Variants in FAM167A observed in about 807,000 individuals in gnomAD.
FAM167A encodes the protein family with sequence similarity 167 member A, also known as protein FAM167A.
In FAM167A, 23 loss-of-function variants were observed where a neutral mutation model predicts 14.9. The ratio of observed to expected loss-of-function variants is 1.55; its 90% CI spans 1.11 to 2.19. The LOEUF (loss-of-function observed/expected upper bound fraction) is 2.19, where lower values mean the gene tolerates loss of function less well. FAM167A is among the 30% of genes most tolerant of loss of function. FAM167A has a pLI of 0.00. For synonymous variants in FAM167A, 174 were observed against 117.7 expected (o/e 1.48, Z -3.10); for missense variants, 401 against 281.5 (o/e 1.42, Z -3.04).
chr8:11,451,334 C>T (rs1807019221), intron 1 of FAM167A, among the ~76,000 whole-genome samples: 1 of 152,246 alleles, frequency 6.6e-6, no homozygotes, highest in African/African-American at 2.4e-5. Flanking sequence ...CGTGGGAAGC[C>T]ACCCGCCCTG....
In FAM167A at chr8:11,423,158, C is replaced by G. The variant is rs774508380; in HGVS notation, c.*1215G>C. 1 of 152,296 alleles carries G rather than the reference C, an allele frequency of 6.6e-6. No individual in the cohort carries two copies. The highest frequency in any genetic ancestry group is 6.5e-5 in the Admixed American group (1 of 15,282). The allele number at this position is 152,296 out of a possible 1,614,324, so 9.4% of individuals were successfully genotyped here. A position where few individuals can be genotyped will look rare whatever the true frequency, so the allele number is the denominator to read the frequency against. On this transcript the variant is annotated 3_prime_UTR_variant, in exon 3 of 3. Transcript: ENST00000284486. Reference sequence around the variant, plus strand: ...GACTCGACTAGATGACACCAAAGGTCAGAAACACTCCTTATCTCAGGATTC... The same window carrying G: ...GACTCGACTAGATGACACCAAAGGTGAGAAACACTCCTTATCTCAGGATTC...
rs373612696 is a variant in FAM167A at position 11,424,341 on chromosome 8, G to C, written c.*32C>G. The stretch of plus-strand genomic sequence containing the variant: ...GACACCCCTCCAGCCCAAGCCCTCC[G>C]CTCCAGCCCCTCCGCCCAGTCTGAG... On this transcript the variant is annotated 3_prime_UTR_variant, in exon 3 of 3. Transcript: ENST00000284486. 1.9e-6 allele frequency: 3 copies of C among 1,610,518 alleles called. No individual in the cohort carries two copies. Among genetic ancestry groups the C allele is most frequent in the Non-Finnish European group, 2.5e-6 (3 of 1,177,342 alleles).
intron 2 of FAM167A, among the ~76,000 whole-genome samples, chr8:11,428,705 GC>G (rs1805357212): frequency 6.6e-6 from 1 of 152,180 alleles, no homozygotes; most frequent in Non-Finnish European, 1.5e-5. Context: ...TTCATCTCCT[GC>G]CCCAAAGAAC....
At chr8:11,472,289 T>A (rs1455538354), upstream of FAM167A, among the ~76,000 whole-genome samples, 1 of 152,206 alleles carries the variant, frequency 6.6e-6, no homozygotes, top group East Asian at 1.9e-4. Context: ...TGGAGTTTGC[T>A]GTTTTATCTT....
At chr8:11,443,094 T>A (rs1451839794) in intron 2 of FAM167A, among the ~76,000 whole-genome samples, 1 of 152,058 alleles carries the variant, frequency 6.6e-6, no homozygotes, top group East Asian at 1.9e-4. Flanking sequence ...GTGGCCAGAG[T>A]GGCCTGACTC....
chr8:11,465,503 T>C (rs1409120255), intron 1 of FAM167A, among the ~76,000 whole-genome samples: 1 of 152,182 alleles, frequency 6.6e-6, no homozygotes, highest in Non-Finnish European at 1.5e-5. Flanking sequence ...GGTCCATAAA[T>C]GCACTCAAGA....
chr8:11,421,872 C>G lies in FAM167A; in HGVS notation c.*2501G>C. 1 of 394,134 alleles carries G rather than the reference C, an allele frequency of 2.5e-6. No individual in the cohort carries two copies. 24.4% of individuals were successfully genotyped at this position (394,134 alleles called of 1,614,324 possible). A position where few individuals can be genotyped will look rare whatever the true frequency, so the allele number is the denominator to read the frequency against. ...GGTTAGGCCAATGTTGCTGCTGACT[C>G]ATAGACCCACAGAGAGCAGGGACTT... On this transcript the variant is annotated 3_prime_UTR_variant, in exon 3 of 3. Coordinates refer to ENST00000284486, the MANE Select transcript of FAM167A (RefSeq NM_053279.3).
chr8:11,431,660 G>A (rs1422116745), intron 2 of FAM167A, among the ~76,000 whole-genome samples: 1 of 152,110 alleles, frequency 6.6e-6, no homozygotes, highest in Non-Finnish European at 1.5e-5. Flanking sequence ...GACCTCCTTA[G>A]TCCTGGGCAA....
At chr8:11,462,668 C>T (rs956469187) in intron 1 of FAM167A, among the ~76,000 whole-genome samples, 1 of 152,212 alleles carries the variant, frequency 6.6e-6, no homozygotes, top group African/African-American at 2.4e-5. Flanking sequence ...GGATCCTAAA[C>T]TCCTTTGCAG....
At chr8:11,447,034 C>T (rs1413704604) in intron 1 of FAM167A, among the ~76,000 whole-genome samples, 1 of 151,520 alleles carries the variant, frequency 6.6e-6, no homozygotes, top group Non-Finnish European at 1.5e-5. Flanking sequence ...GGTGGCCCAC[C>T]CCCTCCCCCA....
chr8:11,429,850 G>T (rs997721124), intron 2 of FAM167A, among the ~76,000 whole-genome samples: 1 of 152,234 alleles, frequency 6.6e-6, no homozygotes, highest in Non-Finnish European at 1.5e-5. Context: ...ACAGAAAAGA[G>T]ATAAGGCCTC....
In FAM167A at chr8:11,422,373, G is replaced by GGGTGTGGGTGTGT. The variant is rs878997464; in HGVS notation, c.*1999_*2000insACACACCCACACC. 2 of 120,196 alleles carry GGGTGTGGGTGTGT rather than the reference G, an allele frequency of 1.7e-5. No individual in the cohort carries two copies. Among genetic ancestry groups the GGGTGTGGGTGTGT allele is most frequent in the Non-Finnish European group, 3.6e-5 (2 of 55,330 alleles). The allele number at this position is 120,196 out of a possible 1,614,324, so 7.4% of individuals were successfully genotyped here. A position where few individuals can be genotyped will look rare whatever the true frequency, so the allele number is the denominator to read the frequency against. ...TCTCTGTCGTGTGTGTGTGTGTGGGGGTGTGTGTGTGTGTGTGTGTGTGTG... is the reference window on the plus strand; with the variant it reads ...TCTCTGTCGTGTGTGTGTGTGTGGGGGGTGTGGGTGTGTGTGTGTGTGTGTGTGTGTGTGTGTG... On this transcript the variant is annotated 3_prime_UTR_variant, in exon 3 of 3. Coordinates refer to ENST00000284486, the MANE Select transcript of FAM167A (RefSeq NM_053279.3).
intron 1 of FAM167A, among the ~76,000 whole-genome samples, chr8:11,455,174 C>T (rs1807186240): frequency 1.0e-5 from 1 of 98,596 alleles, no homozygotes; most frequent in African/African-American, 3.8e-5. Context: ...GGGTTGTTGC[C>T]TTGCTGAGTG....
chr8:11,432,365 CA>C (rs1427956178), intron 2 of FAM167A, among the ~76,000 whole-genome samples: 1 of 152,186 alleles, frequency 6.6e-6, no homozygotes, highest in Non-Finnish European at 1.5e-5. Flanking sequence ...AGAACTTAAA[CA>C]AATTTACAAG....
chr8:11,428,074 G>C (rs1413861200), intron 2 of FAM167A, among the ~76,000 whole-genome samples: 2 of 152,056 alleles, frequency 1.3e-5, no homozygotes. Flanking sequence ...GGAGTGTTCT[G>C]TAATTTGACA....
At chr8:11,432,102 G>C (rs1170014718) in intron 2 of FAM167A, among the ~76,000 whole-genome samples, 1 of 151,914 alleles carries the variant, frequency 6.6e-6, no homozygotes, top group African/African-American at 2.4e-5. Context: ...TCACTTGCTT[G>C]GTCTAAAACA....
intron 1 of FAM167A, among the ~76,000 whole-genome samples, chr8:11,459,126 TAGA>T (rs1437250019): frequency 1.3e-5 from 2 of 152,238 alleles, no homozygotes; most frequent in Non-Finnish European, 2.9e-5. Flanking sequence ...TGAAAATTGT[TAGA>T]AGGAGGAGGA....
intron 2 of FAM167A, among the ~76,000 whole-genome samples, chr8:11,425,790 C>T (rs910694330): frequency 6.0e-5 from 8 of 132,496 alleles, no homozygotes; most frequent in African/African-American, 2.2e-4. Flanking sequence ...TCTGGTATAG[C>T]GTCACATAAC....
intron 1 of FAM167A, chr8:11,445,390 T>C (rs1398449254): frequency 1.0e-6 from 1 of 985,714 alleles, no homozygotes; most frequent in Non-Finnish European, 1.2e-6. Flanking sequence ...TCTACGCTCC[T>C]AGCTTCTTCC....
Sources: gnomAD v4.1 joint callset for allele counts (sites outside exome capture counted in the v4.1 genomes callset) on GRCh38, gnomAD v4.1.1 for gene constraint, MANE v1.5 for transcripts, NCBI Gene and HGNC (gene_info 2026-07-23, HGNC 2026-07-21) for gene names.